The following DHX9 variants were observed in gnomAD, a reference collection of about 807,000 sequenced individuals.
DHX9 encodes ATP-dependent RNA helicase A.
DHX9 carries 27 observed loss-of-function variants against 148.7 expected under a neutral mutation model. That is an observed-to-expected ratio of 0.18 (90% confidence interval 0.13 to 0.25). The LOEUF is 0.25. Ranked by LOEUF, DHX9 falls within the 10% of genes least tolerant of loss-of-function variation. DHX9 has a pLI of 1.00. For synonymous variants in DHX9, 529 were observed against 516.6 expected, an observed-to-expected ratio of 1.02 and a Z score of -0.33; for missense variants, 796 against 1,559.6, an observed-to-expected ratio of 0.51 and a Z score of 8.25.
In DHX9 at chr1:182,876,078, A is replaced by G; in HGVS notation, c.1844A>G (p.Glu615Gly). 2 of 1,613,894 alleles carry G rather than the reference A, an allele frequency of 1.2e-6. No homozygotes were observed. The highest frequency in any genetic ancestry group is 1.7e-6 in the Non-Finnish European group (2 of 1,179,838). The change falls in exon 17 of 28, where the codon GAA becomes GGA. Residue 615 changes from glutamate to glycine, a missense_variant. Glu to Gly is a moderately conservative substitution (Grantham distance 98, BLOSUM62 -2). This residue lies in a region of DHX9 where 133 missense variants were observed against 223.8 expected (regional missense o/e 0.59). Transcript: ENST00000367549. Reference protein sequence around the residue: ...DANCNLICGDEYGPETRLSMS... With the variant: ...DANCNLICGDGYGPETRLSMS... ...AATTGCAACTTGATCTGTGGTGATG[A>G]ATATGGTCCAGAAACAAGGTTGAGC... is the stretch of plus-strand genomic sequence containing the variant.
Position 182,883,573 on chromosome 1 carries a change from G to A in DHX9, c.3198G>A (p.Gln1066=). The change falls in exon 26 of 28, where the codon CAG becomes CAA. Residue 1066 remains glutamine, a synonymous_variant. Transcript: ENST00000367549. ...GCATGACTTTAGTCACCCCCCTGCA[G>A]TTGCTTCTCTTTGCCTCCAAGAAAG... ...AKGMTLVTPL[Q]LLLFASKKVQ... 6.2e-7 allele frequency: 1 copy of A among 1,613,766 alleles called. No individual in the cohort carries two copies. Among genetic ancestry groups the A allele is most frequent in the Non-Finnish European group, 8.5e-7 (1 of 1,179,964 alleles).
chr1:182,880,666 C>G, intron 22 of DHX9, 58 bp downstream of exon 22: 1 of 1,192,442 alleles, frequency 8.4e-7, no homozygotes, highest in Non-Finnish European at 1.2e-6. Context: ...AGAATCTTCT[C>G]CTCCCTGTAA....
At chr1:182,867,257 C>G (rs1488977233) in intron 14 of DHX9, among the ~76,000 whole-genome samples, 2 of 151,976 alleles carry the variant, frequency 1.3e-5, no homozygotes, top group African/African-American at 4.8e-5. Context: ...GAGGTGAAGA[C>G]CTATGTTGTA....
At chr1:182,850,411 A>G (rs1668115695) in intron 3 of DHX9, among the ~76,000 whole-genome samples, 1 of 152,078 alleles carries the variant, frequency 6.6e-6, no homozygotes, top group Non-Finnish European at 1.5e-5. Flanking sequence ...CCTCAGCAAC[A>G]TAGACCCCAT....
At chr1:182,883,784 C>G (rs1649195803) in intron 26 of DHX9, 149 bp downstream of exon 26, 2 of 481,666 alleles carry the variant, frequency 4.2e-6, no homozygotes, top group African/African-American at 3.9e-5. Context: ...CCAGTAGAAG[C>G]AAATGCATTA....
intron 4 of DHX9, 73 bp downstream of exon 4, chr1:182,852,417 G>T: frequency 9.1e-7 from 1 of 1,103,010 alleles, no homozygotes; most frequent in Non-Finnish European, 1.3e-6. Context: ...TCTGTTTCTC[G>T]TTTTGGGTAG....
intron 13 of DHX9, 152 bp downstream of exon 13, chr1:182,866,737 A>G (rs1648312470): frequency 2.0e-6 from 2 of 984,824 alleles, no homozygotes; most frequent in Admixed American, 2.5e-5. Context: ...CTTCATGGAA[A>G]GTATGATATA....
At chr1:182,845,148 T>C (rs6674915) in intron 3 of DHX9, among the ~76,000 whole-genome samples, 35,564 of 152,140 alleles carry the variant, frequency 0.23, 7,297 homozygotes, top group African/African-American at 0.55. Flanking sequence ...TCTTTAATTT[T>C]ATTGGTTTGC....
chr1:182,859,484 T>C (rs1668317030), intron 11 of DHX9, among the ~76,000 whole-genome samples: 1 of 152,228 alleles, frequency 6.6e-6, no homozygotes. Flanking sequence ...GATACATTCT[T>C]CAGAAGTGTA....
intron 12 of DHX9, among the ~76,000 whole-genome samples, chr1:182,861,540 A>G (rs1026757628): frequency 6.6e-5 from 10 of 152,214 alleles, no homozygotes; most frequent in South Asian, 2.1e-4. Context: ...TTCTACCACT[A>G]TCCATTTCTA....
At chr1:182,866,729 T>G (rs1648312111) in intron 13 of DHX9, 144 bp downstream of exon 13, 14 of 1,090,286 alleles carry the variant, frequency 1.3e-5, no homozygotes, top group Non-Finnish European at 1.7e-5. Context: ...GTTTTTTCCT[T>G]CATGGAAAGT....
Position 182,866,910 on chromosome 1 carries a change from AT to A in DHX9, c.1475-48del, listed in dbSNP as rs1277275916. 2.2e-6 allele frequency: 3 copies of A among 1,392,480 alleles called. No homozygotes were observed. In the African/African-American group the frequency reaches 4.4e-5, roughly 20 times the overall value. 86.3% of individuals were successfully genotyped at this position (1,392,480 alleles called of 1,614,324 possible). On this transcript the variant is annotated intron_variant, in intron 13 of 27. Transcript: ENST00000367549. ...TTGAAATATAGATAATTGTCCATAG[AT>A]TTACTACTTTGAACTTTTCTATAGT...
chr1:182,871,372 A>G (rs772811911), intron 14 of DHX9, among the ~76,000 whole-genome samples: 1 of 152,232 alleles, frequency 6.6e-6, no homozygotes, highest in South Asian at 2.1e-4. Context: ...AAGTGACACT[A>G]AAAATGTTGG....
chr1:182,855,846 T>C (rs866023358), intron 6 of DHX9: 4 of 613,934 alleles, frequency 6.5e-6, no homozygotes, highest in Non-Finnish European at 8.2e-6. Context: ...TGCATAGTTA[T>C]CAAAGGGCAG....
In DHX9 at chr1:182,880,499, C is replaced by A; in HGVS notation, c.2515C>A (p.Leu839Ile). The stretch of plus-strand genomic sequence containing the variant: ...CACAAAGAACTATCTCCCCACAGAG[C>A]TTGATGCATTAGATGCCAATGATGA... The part of the protein sequence containing the change: ...VIEAEHTLRE[L>I]DALDANDELT... The change falls in exon 22 of 28, where the codon CTT (leucine) becomes ATT (isoleucine). Residue 839 changes from leucine to isoleucine, a missense_variant and splice_region_variant. Physicochemically the swap from Leu to Ile is conservative, Grantham distance 5 (BLOSUM62 2). Coordinates refer to ENST00000367549, the MANE Select transcript of DHX9 (RefSeq NM_001357.5). 6.2e-7 allele frequency: 1 copy of A among 1,606,444 alleles called. No homozygotes were observed. The highest frequency in any genetic ancestry group is 1.1e-5 in the South Asian group (1 of 90,792).
intron 3 of DHX9, among the ~76,000 whole-genome samples, chr1:182,845,143 A>G (rs1363593623): frequency 6.6e-6 from 1 of 152,186 alleles, no homozygotes; most frequent in Non-Finnish European, 1.5e-5. Flanking sequence ...TACAGTCTTT[A>G]ATTTTATTGG....
chr1:182,859,499 A>G (rs985628297), intron 11 of DHX9, among the ~76,000 whole-genome samples: 1 of 152,230 alleles, frequency 6.6e-6, no homozygotes, highest in Non-Finnish European at 1.5e-5. Flanking sequence ...AGTGTAGTGA[A>G]AAGAAGTAGT....
chr1:182,876,927 G>T (rs1648830003), intron 19 of DHX9, 24 bp downstream of exon 19: 3 of 1,558,408 alleles, frequency 1.9e-6, no homozygotes, highest in Admixed American at 1.7e-5. Flanking sequence ...AAACCTATTT[G>T]TCTGCTCCAG....
At chr1:182,839,527 C>T (rs1300924355) in intron 1 of DHX9, 71 bp downstream of exon 1, 1 of 152,932 alleles carries the variant, frequency 6.5e-6, no homozygotes, top group Non-Finnish European at 1.5e-5. Context: ...ACCATGGCTC[C>T]GCAGCCGGCT....
Sources: gnomAD v4.1 joint callset for allele counts (sites outside exome capture counted in the v4.1 genomes callset) on GRCh38, gnomAD v4.1.1 for gene constraint, gnomAD v4.1.1 regional missense constraint, MANE v1.5 for transcripts, NCBI Gene and HGNC (gene_info 2026-07-23, HGNC 2026-07-21) for gene names.